The following PSMA1 variants were observed in gnomAD, a reference collection of about 807,000 sequenced individuals.
PSMA1 encodes proteasome 20S subunit alpha 1.
In PSMA1, 3 loss-of-function variants were observed where a neutral mutation model predicts 38.4. The ratio of observed to expected loss-of-function variants is 0.08; its 90% CI spans 0.04 to 0.20. The LOEUF is 0.20. Ranked by LOEUF, PSMA1 falls within the 10% of genes least tolerant of loss-of-function variation. The pLI is 1.00. For missense variants in PSMA1, 227 were observed against 325.3 expected, an observed-to-expected ratio of 0.70 and a Z score of 2.32; for synonymous variants, 101 against 107.1, an observed-to-expected ratio of 0.94 and a Z score of 0.35.
intron 2 of PSMA1, among the ~76,000 whole-genome samples, chr11:14,600,139 C>A (rs1852561436): frequency 6.6e-6 from 1 of 152,124 alleles, no homozygotes; most frequent in African/African-American, 2.4e-5. Flanking sequence ...GAGGCAGCCA[C>A]CTATATGAGG....
chr11:14,571,234 T>C (rs1239654179), intron 2 of PSMA1, among the ~76,000 whole-genome samples: 1 of 152,172 alleles, frequency 6.6e-6, no homozygotes, highest in Non-Finnish European at 1.5e-5. Context: ...GGCTAATTTT[T>C]TGTATTTTTT....
At chr11:14,620,605 A>G (rs1348453858) in intron 1 of PSMA1, among the ~76,000 whole-genome samples, 1 of 152,260 alleles carries the variant, frequency 6.6e-6, no homozygotes, top group African/African-American at 2.4e-5. Flanking sequence ...CTGTAAAGAC[A>G]GAGATACTGG....
chr11:14,622,419 T>C (rs1472282088), intron 1 of PSMA1, among the ~76,000 whole-genome samples: 1 of 152,202 alleles, frequency 6.6e-6, no homozygotes, highest in East Asian at 1.9e-4. Flanking sequence ...ATACATTACA[T>C]TGATGACATT....
chr11:14,612,189 G>A (rs1852718203), intron 1 of PSMA1, among the ~76,000 whole-genome samples: 1 of 152,202 alleles, frequency 6.6e-6, no homozygotes, highest in Non-Finnish European at 1.5e-5. Flanking sequence ...TGAAACTTAT[G>A]TGTAGTTCTG....
intron 4 of PSMA1, among the ~76,000 whole-genome samples, chr11:14,516,135 T>G (rs1293420244): frequency 6.6e-6 from 1 of 150,934 alleles, no homozygotes; most frequent in Non-Finnish European, 1.5e-5. Context: ...CCTTGAACTC[T>G]GGAGGCGGAG....
At chr11:14,528,745 C>G (rs551396652) in intron 2 of PSMA1, among the ~76,000 whole-genome samples, 2 of 151,740 alleles carry the variant, frequency 1.3e-5, no homozygotes, top group Admixed American at 1.3e-4. Flanking sequence ...CCTTAACTGA[C>G]GAAGTTCCAC....
rs1420287803 is a variant in PSMA1 at position 14,508,603 on chromosome 11, G to GTGGGGCTA, written c.625-845_625-838dup. On this transcript the variant is annotated intron_variant, in intron 8 of 9. Coordinates refer to ENST00000396394, the MANE Select transcript of PSMA1 (RefSeq NM_002786.4). ...CCCAGATTGTAGGGGTAAATAGATAGTGGGGCTATGGGTAGAAATAGTTTT... is the reference window on the plus strand; with the variant it reads ...CCCAGATTGTAGGGGTAAATAGATAGTGGGGCTATGGGGCTATGGGTAGAAATAGTTTT... Among the ~76,000 whole-genome samples, 11 of 136,596 alleles carry GTGGGGCTA rather than the reference G, an allele frequency of 8.1e-5. No homozygotes were observed. In the East Asian group the frequency reaches 2.5e-3, roughly 31 times the overall value. The allele number at this position is 136,596 out of a possible 152,430, so 89.6% of individuals were successfully genotyped here.
intron 2 of PSMA1, among the ~76,000 whole-genome samples, chr11:14,543,015 C>A (rs1203036546): frequency 6.6e-6 from 1 of 152,090 alleles, no homozygotes; most frequent in African/African-American, 2.4e-5. Flanking sequence ...GCCACCACAC[C>A]CAGCTAATTT....
intron 1 of PSMA1, among the ~76,000 whole-genome samples, chr11:14,613,373 T>C (rs1340040556): frequency 6.7e-6 from 1 of 149,708 alleles, no homozygotes; most frequent in African/African-American, 2.4e-5. Context: ...TGTCTCAGAT[T>C]CCCAAGTAGC....
rs1851836672 is a variant in PSMA1 at position 14,547,274 on chromosome 11, T to C, written c.22-28233A>G. Reference sequence around the variant, plus strand: ...GTAGGGCCTGGGCACTGGTTTAGAATTGGTCATCACTTCAGTACTGGAAAT... The same window carrying C: ...GTAGGGCCTGGGCACTGGTTTAGAACTGGTCATCACTTCAGTACTGGAAAT... On this transcript the variant is annotated intron_variant, in intron 2 of 10. Transcript: ENST00000418988. Among the ~76,000 whole-genome samples the C allele has an allele frequency of 2.0e-5, 3 of 152,290 alleles. No homozygotes were observed. The South Asian group carries it at 6.2e-4, about 32-fold the overall frequency.
chr11:14,540,090 G>A (rs1330657301), intron 2 of PSMA1, among the ~76,000 whole-genome samples: 1 of 152,160 alleles, frequency 6.6e-6, no homozygotes, highest in East Asian at 1.9e-4. Flanking sequence ...TTCCATTTGT[G>A]GCTTCAGAAC....
intron 2 of PSMA1, among the ~76,000 whole-genome samples, chr11:14,594,725 T>A (rs987893672): frequency 2.6e-5 from 4 of 152,204 alleles, no homozygotes; most frequent in African/African-American, 9.7e-5. Flanking sequence ...AGGTAACTTA[T>A]ATGGGTCTAC....
chr11:14,541,092 T>TA (rs1565040466), intron 2 of PSMA1, among the ~76,000 whole-genome samples: 1 of 152,094 alleles, frequency 6.6e-6, no homozygotes, highest in Non-Finnish European at 1.5e-5. Context: ...GCATAATTTT[T>TA]AAAAAAAGAA....
chr11:14,633,554 G>A (rs1853064610), intron 1 of PSMA1, among the ~76,000 whole-genome samples: 1 of 152,132 alleles, frequency 6.6e-6, no homozygotes, highest in African/African-American at 2.4e-5. Context: ...TGTCAGACAG[G>A]GACATTTAAG....
intron 2 of PSMA1, among the ~76,000 whole-genome samples, chr11:14,582,105 G>A (rs972225813): frequency 2.6e-5 from 4 of 152,006 alleles, no homozygotes; most frequent in African/African-American, 9.7e-5. Context: ...AGGCAGATAG[G>A]GATAGATTCA....
intron 1 of PSMA1, among the ~76,000 whole-genome samples, chr11:14,638,999 G>A (rs1050682686): frequency 3.9e-5 from 6 of 152,016 alleles, no homozygotes; most frequent in Non-Finnish European, 7.4e-5. Flanking sequence ...AAGCGTTATA[G>A]ATTTAATACT....
chr11:14,569,720 C>G (rs923425623), intron 2 of PSMA1, among the ~76,000 whole-genome samples: 4 of 152,230 alleles, frequency 2.6e-5, no homozygotes, highest in African/African-American at 9.6e-5. Flanking sequence ...GAAGCTTGAA[C>G]TGGGTGGAGC....
At chr11:14,641,284 C>T (rs1186303654) in intron 1 of PSMA1, among the ~76,000 whole-genome samples, 1 of 151,654 alleles carries the variant, frequency 6.6e-6, no homozygotes, top group Admixed American at 6.6e-5. Context: ...CAGTTTTTTT[C>T]ATGACAGATA....
At chr11:14,628,289 G>A (rs1200893295) in intron 1 of PSMA1, among the ~76,000 whole-genome samples, 2 of 52,074 alleles carry the variant, frequency 3.8e-5, no homozygotes, top group Non-Finnish European at 7.7e-5. Context: ...CTAGCATTAG[G>A]TATATCTCCC....
Sources: gnomAD v4.1 joint callset for allele counts (sites outside exome capture counted in the v4.1 genomes callset) on GRCh38, gnomAD v4.1.1 for gene constraint, MANE v1.5 for transcripts, NCBI Gene and HGNC (gene_info 2026-07-23, HGNC 2026-07-21) for gene names.